LEKR1: variants seen among roughly 807,000 people sequenced by gnomAD.
LEKR1 encodes the protein protein LEKR1.
LEKR1 carries 59 observed loss-of-function variants against 72.4 expected under a neutral mutation model. That is an observed-to-expected ratio of 0.82 (90% CI 0.66 to 1.01). LEKR1 has a LOEUF of 1.01. LEKR1 is among the 50% of genes least tolerant of loss of function. The pLI is 0.00. For synonymous variants in LEKR1, 257 were observed against 263.2 expected (o/e 0.98, Z 0.23); for missense variants, 728 against 759.2 (o/e 0.96, Z 0.48).
intron 6 of LEKR1, among the ~76,000 whole-genome samples, chr3:156,947,385 C>T (rs1439256415): frequency 6.6e-6 from 1 of 151,164 alleles, no homozygotes; most frequent in Non-Finnish European, 1.5e-5. Flanking sequence ...CATAGAACTA[C>T]TATCTGTTGT....
chr3:156,953,333 T>C (rs2107977450), intron 6 of LEKR1, among the ~76,000 whole-genome samples: 1 of 151,634 alleles, frequency 6.6e-6, no homozygotes, highest in African/African-American at 2.4e-5. Context: ...TATTGACATA[T>C]TATTATTTTT....
intron 3 of LEKR1, among the ~76,000 whole-genome samples, chr3:156,888,074 A>C (rs1720286980): frequency 6.6e-6 from 1 of 152,176 alleles, no homozygotes; most frequent in Admixed American, 6.5e-5. Flanking sequence ...ATGTTGTCTA[A>C]TATGTAGCCT....
intron 11 of LEKR1, among the ~76,000 whole-genome samples, chr3:157,025,905 C>T (rs867184964): frequency 6.9e-4 from 105 of 151,842 alleles, no homozygotes; most frequent in Non-Finnish European, 8.2e-4. Flanking sequence ...CGGTTCATAC[C>T]TGTAGTATGT....
At chr3:156,847,464 A>G (rs1421285401) in intron 2 of LEKR1, among the ~76,000 whole-genome samples, 1 of 152,220 alleles carries the variant, frequency 6.6e-6, no homozygotes, top group Non-Finnish European at 1.5e-5. Flanking sequence ...AAACGAGAGG[A>G]TGATATAATA....
chr3:156,839,181 T>C (rs1158786535), intron 2 of LEKR1, among the ~76,000 whole-genome samples: 1 of 152,202 alleles, frequency 6.6e-6, no homozygotes, highest in Non-Finnish European at 1.5e-5. Flanking sequence ...CTAGCCTTGA[T>C]GGGAAAAGAT....
chr3:156,856,592 C>G (rs1048327608), intron 3 of LEKR1, among the ~76,000 whole-genome samples: 1 of 152,002 alleles, frequency 6.6e-6, no homozygotes, highest in African/African-American at 2.4e-5. Context: ...ACATGGATTC[C>G]CCATTTATTC....
chr3:156,862,813 C>T lies in LEKR1; in HGVS notation c.263+9831C>T, dbSNP rs569256155. Among the ~76,000 whole-genome samples, 5 of 152,044 alleles carry T rather than the reference C, an allele frequency of 3.3e-5. No homozygotes were observed. The East Asian group carries it at 5.8e-4, about 18-fold the overall frequency. ...GCCCAGCTTTGGTTAAGTTCGCAGC[C>T]GGTGGAGTTCCACTCAGTGGAGTAG... On this transcript the variant is annotated intron_variant, in intron 3 of 12. Transcript: ENST00000356539.
chr3:157,034,411 C>T (rs1166371501), intron 12 of LEKR1, among the ~76,000 whole-genome samples: 1 of 152,116 alleles, frequency 6.6e-6, no homozygotes, highest in Non-Finnish European at 1.5e-5. Context: ...GATTCCAGCT[C>T]TCATGGATGA....
intron 12 of LEKR1, among the ~76,000 whole-genome samples, chr3:157,044,426 T>A (rs1265613088): frequency 2.6e-5 from 4 of 152,220 alleles, no homozygotes; most frequent in African/African-American, 9.7e-5. Context: ...AATTTCAGAA[T>A]TTCGAAGAGA....
intron 6 of LEKR1, among the ~76,000 whole-genome samples, chr3:156,946,078 A>G (rs1201206346): frequency 6.6e-6 from 1 of 151,794 alleles, no homozygotes; most frequent in Non-Finnish European, 1.5e-5. Context: ...TTTCCAATCT[A>G]TGAACTTGGA....
intron 4 of LEKR1, among the ~76,000 whole-genome samples, chr3:156,921,598 C>G (rs1037639950): frequency 6.6e-6 from 1 of 152,146 alleles, no homozygotes; most frequent in African/African-American, 2.4e-5. Flanking sequence ...TTGATCCTTT[C>G]CTAGAAATCT....
chr3:156,957,474 GA>G (rs60286678), intron 6 of LEKR1, among the ~76,000 whole-genome samples: 16,576 of 137,818 alleles, frequency 0.12, 1,545 homozygotes, highest in African/African-American at 0.28. Context: ...CTTCAAAAAA[GA>G]AAAAAAAAAT....
intron 1 of LEKR1, among the ~76,000 whole-genome samples, chr3:156,828,111 C>A (rs1367532131): frequency 6.6e-6 from 1 of 152,206 alleles, no homozygotes; most frequent in Non-Finnish European, 1.5e-5. Context: ...CCACACATGT[C>A]ATATTATGTT....
At chr3:156,909,523 C>T (rs1220399251) in intron 3 of LEKR1, among the ~76,000 whole-genome samples, 13 of 151,784 alleles carry the variant, frequency 8.6e-5, no homozygotes, top group African/African-American at 2.4e-4. Context: ...TGGTGGCATG[C>T]GCCTGTAGTC....
intron 7 of LEKR1, among the ~76,000 whole-genome samples, chr3:156,984,860 A>G (rs1730539518): frequency 6.6e-6 from 1 of 152,056 alleles, no homozygotes; most frequent in Admixed American, 6.6e-5. Flanking sequence ...ACAAAGTACT[A>G]ATTTTTAAAG....
intron 6 of LEKR1, among the ~76,000 whole-genome samples, chr3:156,956,270 C>G (rs1225064920): frequency 1.3e-5 from 2 of 151,970 alleles, no homozygotes; most frequent in East Asian, 3.9e-4. Flanking sequence ...TGGTCCTGAA[C>G]AGCAGTTGAT....
At chr3:156,998,351 G>A (rs933747096) in intron 9 of LEKR1, among the ~76,000 whole-genome samples, 2 of 152,164 alleles carry the variant, frequency 1.3e-5, no homozygotes, top group Admixed American at 6.6e-5. Context: ...ATGTGTTTAA[G>A]CTTGAAGACT....
chr3:157,011,757 A>T (rs907854472), intron 10 of LEKR1, among the ~76,000 whole-genome samples: 5 of 152,080 alleles, frequency 3.3e-5, no homozygotes, highest in Admixed American at 3.3e-4. Context: ...ATGAAAAAGC[A>T]TTTTTTTTGC....
intron 6 of LEKR1, among the ~76,000 whole-genome samples, chr3:156,963,847 A>G (rs1728329836): frequency 6.6e-6 from 1 of 152,168 alleles, no homozygotes; most frequent in Non-Finnish European, 1.5e-5. Context: ...TTACTACCAG[A>G]TTTCCACTGC....
Sources: gnomAD v4.1 joint callset for allele counts (sites outside exome capture counted in the v4.1 genomes callset) on GRCh38, gnomAD v4.1.1 for gene constraint, MANE v1.5 for transcripts, NCBI Gene and HGNC (gene_info 2026-07-23, HGNC 2026-07-21) for gene names.